The following FARP1 variants were observed in gnomAD, a reference collection of about 807,000 sequenced individuals.
FARP1 encodes the protein FERM, ARHGEF and pleckstrin domain-containing protein 1.
A neutral mutation model predicts 128.8 loss-of-function variants in FARP1; 52 were observed. The observed-to-expected ratio is 0.40, with a 90% CI of 0.32 to 0.51. The LOEUF (loss-of-function observed/expected upper bound fraction) is 0.51, where lower values mean the gene tolerates loss of function less well. Ranked by LOEUF, FARP1 falls within the 20% of genes least tolerant of loss-of-function variation. FARP1 has a pLI of 0.45. For missense variants in FARP1, 1,333 were observed against 1,367.9 expected, an observed-to-expected ratio of 0.97 and a Z score of 0.40; for synonymous variants, 580 against 551.8, an observed-to-expected ratio of 1.05 and a Z score of -0.72.
chr13:98,171,557 G>A (rs1877654274), intron 1 of FARP1, among the ~76,000 whole-genome samples: 2 of 152,094 alleles, frequency 1.3e-5, no homozygotes, highest in Non-Finnish European at 2.9e-5. Flanking sequence ...TGGCATTTTT[G>A]TAGGATTTTT....
chr13:98,318,183 G>A (rs759985702), intron 2 of FARP1, among the ~76,000 whole-genome samples: 1 of 150,658 alleles, frequency 6.6e-6, no homozygotes, highest in Non-Finnish European at 1.5e-5. Flanking sequence ...AGCTTCCCAG[G>A]TAGCTGTGAC....
chr13:98,193,706 G>A (rs1879389185), intron 1 of FARP1, among the ~76,000 whole-genome samples: 1 of 152,148 alleles, frequency 6.6e-6, no homozygotes, highest in South Asian at 2.1e-4. Flanking sequence ...TCACAACCAT[G>A]TCATGCTTGT....
intron 2 of FARP1, among the ~76,000 whole-genome samples, chr13:98,295,893 A>G (rs1885665618): frequency 6.6e-6 from 1 of 152,188 alleles, no homozygotes; most frequent in Admixed American, 6.5e-5. Context: ...CATTCTTAAA[A>G]TTAAGAAATT....
chr13:98,413,119 A>T (rs538111980), intron 16 of FARP1, among the ~76,000 whole-genome samples: 1 of 152,292 alleles, frequency 6.6e-6, no homozygotes, highest in African/African-American at 2.4e-5. Context: ...GAGTTCTCTG[A>T]TCTCCCTAAG....
rs768877802 is a variant in FARP1, at chr13:98,409,494, G to C, written c.1571G>C (p.Arg524Pro). The change falls in exon 14 of 27, where the codon CGG (arginine) becomes CCG (proline). Residue 524 changes from arginine (R) to proline (P), a missense_variant. Physicochemically the swap from Arg to Pro is moderately radical, Grantham distance 103. This residue lies in a region of FARP1 where 1,009 missense variants were observed against 969.8 expected (regional missense o/e 1.04). Transcript: ENST00000319562. Reference protein sequence around the residue: ...SPLLNDQACPRTDDEDEGRRK... With the variant: ...SPLLNDQACPPTDDEDEGRRK... ...CTGCTGAATGACCAGGCCTGCCCCC[G>C]GACGGACGATGAGGATGAGGGCCGG... 1 of 1,613,132 alleles carries C rather than the reference G, an allele frequency of 6.2e-7. No individual in the cohort carries two copies. Among genetic ancestry groups the C allele is most frequent in the Admixed American group, 1.7e-5 (1 of 59,950 alleles).
intron 2 of FARP1, among the ~76,000 whole-genome samples, chr13:98,311,299 G>A (rs1886449298): frequency 6.6e-6 from 1 of 152,210 alleles, no homozygotes; most frequent in African/African-American, 2.4e-5. Flanking sequence ...GCTAAGGAAT[G>A]ACTGAGTGGG....
At chr13:98,367,065 G>C (rs1889116712) in intron 4 of FARP1, among the ~76,000 whole-genome samples, 1 of 152,012 alleles carries the variant, frequency 6.6e-6, no homozygotes, top group South Asian at 2.1e-4. Context: ...ATTCCAAAGG[G>C]CAGACCTTTT....
chr13:98,411,826 G>A, intron 15 of FARP1, 75 bp from the exon 16 acceptor site: 2 of 1,530,572 alleles, frequency 1.3e-6, no homozygotes, highest in Non-Finnish European at 1.8e-6. Flanking sequence ...TTGGCTGCAT[G>A]TGACTTCTGG....
chr13:98,292,476 G>C lies in FARP1; in HGVS notation c.172-51286G>C, dbSNP rs927172451. 3.1e-4 allele frequency among the ~76,000 whole-genome samples: 47 copies of C among 152,278 alleles called. No homozygotes were observed. The Middle Eastern group carries it at 0.01, about 33-fold the overall frequency. ...TTAATAATAAATGTAGTATCTCATG[G>C]CCAGGCAGTGCAACATTCAATACAG... On this transcript the variant is annotated intron_variant, in intron 2 of 26. Transcript: ENST00000319562.
In FARP1 at chr13:98,362,922, G is replaced by A. The variant is rs940330188; in HGVS notation, c.277-2473G>A. On this transcript the variant is annotated intron_variant, in intron 3 of 26. Transcript: ENST00000319562. Reference sequence around the variant, plus strand: ...TATCCATCAGTGCATTCCACTGGTTGTTACGTCTTCAGTTGTTCTTGAATC... The same window carrying A: ...TATCCATCAGTGCATTCCACTGGTTATTACGTCTTCAGTTGTTCTTGAATC... Among the ~76,000 whole-genome samples the A allele has an allele frequency of 4.2e-4, 64 of 152,166 alleles. 3 individuals are homozygous for A. Among genetic ancestry groups the A allele is most frequent in the Non-Finnish European group, 2.9e-5 (2 of 68,030 alleles).
At chr13:98,364,782 G>A (rs1294634029) in intron 3 of FARP1, among the ~76,000 whole-genome samples, 2 of 152,132 alleles carry the variant, frequency 1.3e-5, no homozygotes, top group Non-Finnish European at 1.5e-5. Flanking sequence ...AGAGAGTCTG[G>A]ACTTTGAAGT....
At chr13:98,146,578 T>C (rs1433487997) in intron 1 of FARP1, among the ~76,000 whole-genome samples, 1 of 152,246 alleles carries the variant, frequency 6.6e-6, no homozygotes. Flanking sequence ...AAGAAGCCCT[T>C]TGTAACTGGC....
intron 2 of FARP1, among the ~76,000 whole-genome samples, chr13:98,286,241 G>C (rs1885161638): frequency 6.6e-6 from 1 of 152,082 alleles, no homozygotes; most frequent in Admixed American, 6.6e-5. Flanking sequence ...TCCTGCATCT[G>C]CTCCTTCCTG....
chr13:98,334,259 A>C (rs1391001354), intron 2 of FARP1: 8 of 152,272 alleles, frequency 5.3e-5, no homozygotes, highest in Non-Finnish European at 1.2e-4. Context: ...GTAAAGCCCT[A>C]GAGCATTGCA....
chr13:98,272,112 C>G (rs1349501362), intron 2 of FARP1, among the ~76,000 whole-genome samples: 1 of 152,124 alleles, frequency 6.6e-6, no homozygotes, highest in African/African-American at 2.4e-5. Flanking sequence ...TCACTGCAAC[C>G]TGTACCTCCT....
chr13:98,384,645 G>C, intron 6 of FARP1, 85 bp from the exon 7 acceptor site: 1 of 788,884 alleles, frequency 1.3e-6, no homozygotes, highest in Admixed American at 2.0e-5. Context: ...TTGTCTGCTA[G>C]CTTCTGTTTG....
chr13:98,320,777 G>A (rs995546589), intron 2 of FARP1, among the ~76,000 whole-genome samples: 1 of 152,122 alleles, frequency 6.6e-6, no homozygotes, highest in Non-Finnish European at 1.5e-5. Context: ...CCAAAGGTTG[G>A]GCCCTGTGGG....
Position 98,415,457 on chromosome 13 carries a change from A to G in FARP1, c.1826+3423A>G, listed in dbSNP as rs552426882. On this transcript the variant is annotated intron_variant, in intron 16 of 26. Coordinates refer to ENST00000319562, the MANE Select transcript of FARP1 (RefSeq NM_005766.4). ...TATTAATGAATGAATGAGTGAATGA[A>G]TGAATGAATGAGTAGGTGAGTGTGT... Among the ~76,000 whole-genome samples the G allele has an allele frequency of 4.1e-3, 601 of 146,244 alleles. 5 individuals carry two copies. The highest frequency in any genetic ancestry group is 0.015 in the African/African-American group (578 of 38,630).
chr13:98,287,963 G>A (rs945411457), intron 2 of FARP1, among the ~76,000 whole-genome samples: 2 of 151,890 alleles, frequency 1.3e-5, no homozygotes, highest in Non-Finnish European at 2.9e-5. Context: ...CACCATGCCC[G>A]GCTAATTTTT....
Sources: gnomAD v4.1 joint callset for allele counts (sites outside exome capture counted in the v4.1 genomes callset) on GRCh38, gnomAD v4.1.1 for gene constraint, gnomAD v4.1.1 regional missense constraint, MANE v1.5 for transcripts, NCBI Gene and HGNC (gene_info 2026-07-23, HGNC 2026-07-21) for gene names.